APBB2: variants seen among roughly 807,000 people sequenced by gnomAD.
APBB2 encodes the protein amyloid beta precursor protein binding family B member 2, also known as Fe65-like 1.
Under a neutral mutation model 82.5 loss-of-function variants are expected in APBB2, and 38 were observed. That is an observed-to-expected ratio of 0.46 (90% confidence interval 0.36 to 0.60). The LOEUF (loss-of-function observed/expected upper bound fraction) is 0.60, where lower values mean the gene tolerates loss of function less well. Ranked by LOEUF, APBB2 falls within the 20% of genes least tolerant of loss-of-function variation. The pLI is 0.00. For synonymous variants in APBB2, 341 were observed against 368.2 expected (o/e 0.93, Z 0.85); for missense variants, 772 against 972.3 (o/e 0.79, Z 2.74).
chr4:41,119,280 TG>T (rs1464552862), intron 2 of APBB2, among the ~76,000 whole-genome samples: 1 of 152,012 alleles, frequency 6.6e-6, no homozygotes. Flanking sequence ...AACGTGTGAA[TG>T]GGGCCGACTG....
intron 10 of APBB2, among the ~76,000 whole-genome samples, chr4:40,931,505 C>T (rs1259878729): frequency 6.6e-6 from 1 of 152,142 alleles, no homozygotes; most frequent in African/African-American, 2.4e-5. Flanking sequence ...CCTGGGCTCT[C>T]GAAGTGCTGA....
At chr4:40,982,277 AG>A in intron 6 of APBB2, among the ~76,000 whole-genome samples, 1 of 25,712 alleles carries the variant, frequency 3.9e-5, no homozygotes, top group African/African-American at 1.7e-4. Flanking sequence ...AAAGAAAGAA[AG>A]AAAGAAGGAA....
intron 2 of APBB2, among the ~76,000 whole-genome samples, chr4:41,104,016 A>AT (rs1746315775): frequency 6.6e-6 from 1 of 152,234 alleles, no homozygotes; most frequent in Non-Finnish European, 1.5e-5. Context: ...CAGTTGAAAG[A>AT]TTTTTAATTA....
chr4:40,947,137 G>T (rs1788676103), intron 6 of APBB2, among the ~76,000 whole-genome samples: 1 of 152,144 alleles, frequency 6.6e-6, no homozygotes, highest in South Asian at 2.1e-4. Context: ...GGGACGAAGG[G>T]GTCACTTCTG....
chr4:40,839,728 C>T (rs1403334676), intron 12 of APBB2, among the ~76,000 whole-genome samples: 4 of 151,374 alleles, frequency 2.6e-5, no homozygotes, highest in Non-Finnish European at 5.9e-5. Context: ...GCAGTGGTGC[C>T]ATCTCGGCTC....
chr4:41,181,091 GT>G (rs1479322027), intron 1 of APBB2, among the ~76,000 whole-genome samples: 2 of 152,206 alleles, frequency 1.3e-5, no homozygotes, highest in African/African-American at 4.8e-5. Context: ...ATATGGCCTT[GT>G]AGAAACTAAA....
chr4:41,133,527 T>C (rs17443013), intron 2 of APBB2, among the ~76,000 whole-genome samples: 67,827 of 151,970 alleles, frequency 0.45, 15,806 homozygotes, highest in East Asian at 0.65. Flanking sequence ...AAGCTGGAGG[T>C]TGGCAATCAC....
chr4:40,963,921 C>T (rs1305285815), intron 6 of APBB2, among the ~76,000 whole-genome samples: 3 of 152,054 alleles, frequency 2.0e-5, no homozygotes, highest in East Asian at 3.9e-4. Context: ...TGGGAAGTAC[C>T]CAACCATGGA....
At chr4:41,042,416 G>A (rs1405273532) in intron 4 of APBB2, among the ~76,000 whole-genome samples, 1 of 152,180 alleles carries the variant, frequency 6.6e-6, no homozygotes, top group Non-Finnish European at 1.5e-5. Context: ...CTAAGTTAAT[G>A]ACCCCAATCA....
intron 1 of APBB2, among the ~76,000 whole-genome samples, chr4:41,156,469 T>C (rs540385550): frequency 4.0e-4 from 61 of 152,346 alleles, no homozygotes; most frequent in Admixed American, 9.8e-4. Context: ...TCCAGCTTCA[T>C]TCACTCATTC....
At chr4:40,925,130 C>T (rs995506023) in intron 10 of APBB2, among the ~76,000 whole-genome samples, 4 of 152,210 alleles carry the variant, frequency 2.6e-5, no homozygotes, top group African/African-American at 4.8e-5. Context: ...AACCCCCATT[C>T]GTGACTCAGT....
chr4:40,872,201 C>CT (rs1379406893), intron 12 of APBB2, among the ~76,000 whole-genome samples: 1 of 152,230 alleles, frequency 6.6e-6, no homozygotes, highest in Non-Finnish European at 1.5e-5. Flanking sequence ...TTATCATCAG[C>CT]TTTAGACAGA....
chr4:41,135,969 T>TTCCCTGACAC (rs1054221722), intron 2 of APBB2, among the ~76,000 whole-genome samples: 1 of 152,146 alleles, frequency 6.6e-6, no homozygotes, highest in African/African-American at 2.4e-5. Flanking sequence ...CCACACCCAG[T>TTCCCTGACAC]TCCCTGACAC....
rs554585478 is a variant in APBB2 at position 41,210,942 on chromosome 4, G to A, written c.-417+3463C>T. ...AGATGATATATACAAAACCTTAATA[G>A]GATAATAGGACACATAAAAAGCACT... On this transcript the variant is annotated intron_variant, in intron 1 of 17. Transcript: ENST00000508593. Among the ~76,000 whole-genome samples, 5 of 152,256 alleles carry A rather than the reference G, an allele frequency of 3.3e-5. No homozygotes were observed. In the South Asian group the frequency reaches 1.0e-3, roughly 32 times the overall value.
intron 1 of APBB2, among the ~76,000 whole-genome samples, chr4:41,166,948 G>A (rs891023294): frequency 1.4e-4 from 21 of 152,178 alleles, no homozygotes; most frequent in Admixed American, 5.2e-4. Context: ...CTCTGCAAGT[G>A]GTGGGTGACT....
intron 3 of APBB2, among the ~76,000 whole-genome samples, chr4:41,073,469 C>T (rs1210215626): frequency 6.6e-6 from 1 of 152,118 alleles, no homozygotes; most frequent in East Asian, 1.9e-4. Flanking sequence ...TAAATTTCTT[C>T]TATTCTCTTT....
At chr4:40,875,888 T>C (rs1304815429) in intron 12 of APBB2, among the ~76,000 whole-genome samples, 1 of 152,228 alleles carries the variant, frequency 6.6e-6, no homozygotes, top group Non-Finnish European at 1.5e-5. Context: ...TCATCTATTC[T>C]AGTATTTTCT....
intron 12 of APBB2, among the ~76,000 whole-genome samples, chr4:40,859,132 G>A (rs184817655): frequency 1.3e-5 from 2 of 152,158 alleles, no homozygotes; most frequent in African/African-American, 2.4e-5. Flanking sequence ...CACAGGGTAC[G>A]TCAAGTGTGA....
chr4:40,944,841 T>C, intron 7 of APBB2, 24 bp downstream of exon 7: 1 of 1,608,130 alleles, frequency 6.2e-7, no homozygotes. Flanking sequence ...TCTACTAAGC[T>C]GGTAAAAAGA....
Sources: allele counts gnomAD v4.1 joint callset (sites outside exome capture counted in the v4.1 genomes callset), GRCh38; gene constraint gnomAD v4.1.1; transcripts MANE v1.5; gene names NCBI Gene and HGNC (gene_info 2026-07-23, HGNC 2026-07-21).